The following LAMB2 variants were observed in gnomAD, a reference collection of about 807,000 sequenced individuals.
LAMB2 encodes the protein laminin subunit beta 2, also known as laminin subunit beta-2.
A neutral mutation model predicts 202.7 loss-of-function variants in LAMB2; 119 were observed. The observed-to-expected ratio is 0.59, with a 90% CI of 0.51 to 0.68. The LOEUF (loss-of-function observed/expected upper bound fraction) is 0.68, where lower values mean the gene tolerates loss of function less well. Among genes scored for constraint, LAMB2 ranks in the 30% least tolerant of loss-of-function variants. The pLI is 0.00. For synonymous variants in LAMB2, 818 were observed against 902.2 expected (o/e 0.91, Z 1.67); for missense variants, 2,124 against 2,410.6 (o/e 0.88, Z 2.49).
chr3:49,129,098 G>A lies in LAMB2; in HGVS notation c.1653C>T (p.Arg551=), dbSNP rs2107642672. 6.2e-7 allele frequency: 1 copy of A among 1,614,014 alleles called. No homozygotes were observed. The highest frequency in any genetic ancestry group is 8.5e-7 in the Non-Finnish European group (1 of 1,180,046). The change falls in exon 13 of 32, where the codon CGC becomes CGT. Residue 551 remains arginine (R), a synonymous_variant. Coordinates refer to ENST00000305544, the MANE Select transcript of LAMB2 (RefSeq NM_002292.4). The surrounding 1 kb of genome is among the most constrained non-coding windows in gnomAD (Gnocchi z 6.1). ...CHCRQHMVGR[R]CEQVQPGYFR... ...AGTAGCCAGGTTGCACCTGCTCACAGCGTCGCCCAACCATGTGCTGGCGGC... is the reference window on the plus strand; with the variant it reads ...AGTAGCCAGGTTGCACCTGCTCACAACGTCGCCCAACCATGTGCTGGCGGC...
rs1399856242 is a variant in LAMB2 at position 49,131,541 on chromosome 3, T to G, written c.642A>C (p.Glu214Asp). 3 of 1,613,866 alleles carry G rather than the reference T, an allele frequency of 1.9e-6. No homozygotes were observed. The highest frequency in any genetic ancestry group is 1.7e-5 in the Admixed American group (1 of 60,004). Residue 214 changes from glutamate (E) to aspartate (D), a missense_variant, in exon 5 of 32, where the codon GAA becomes GAC. Physicochemically the swap from Glu to Asp is conservative, Grantham distance 45. Around this residue, in one of 3 missense-constraint regions of LAMB2, gnomAD observed 256 missense variants for 356.1 expected, o/e 0.72. Coordinates refer to ENST00000305544, the MANE Select transcript of LAMB2 (RefSeq NM_002292.4). This position sits in a 1 kb window ranked among gnomAD's most constrained non-coding sequence, Gnocchi z 5.0. ...CCCAGATGCCAGCCCTCACCTCGCC[T>G]TCAGTGGATGGCTCAATCTCTGAGT... ...SRYSEIEPST[E>D]GEVIYRVLDP... is the part of the protein sequence containing the mutation.
Position 49,131,070 on chromosome 3 carries a change from C to T in LAMB2, c.795G>A (p.Glu265=), listed in dbSNP as rs375953746. ...LGDNLLDPRR[E]IREKYYYALY... ...GGGCATAGTAGTACTTCTCTCGGAT[C>T]TCCCTCCGTGGGTCGAGTAGGTTGT... Residue 265 remains glutamate, a synonymous_variant, in exon 7 of 32, where the codon GAG becomes GAA. Transcript: ENST00000305544. This position sits in a 1 kb window ranked among gnomAD's most constrained non-coding sequence, Gnocchi z 5.0. 214 of 1,613,850 alleles carry T rather than the reference C, an allele frequency of 1.3e-4. No individual in the cohort carries two copies. Among genetic ancestry groups the T allele is most frequent in the Non-Finnish European group, 1.7e-4 (203 of 1,180,032 alleles).
At position 49,130,068 on chromosome 3, in the gene LAMB2, A is replaced by G. The variant is rs1178845778; in HGVS notation, c.1226-50T>C. On this transcript the variant is annotated intron_variant, in intron 9 of 31. Transcript: ENST00000305544. The surrounding 1 kb of genome is among the most constrained non-coding windows in gnomAD (Gnocchi z 5.0). ...TCACTCACCCTATCTCAACTAGCTCACTGCCAGTCCTCTCCTAAGCCTAAG... is the reference window on the plus strand; with the variant it reads ...TCACTCACCCTATCTCAACTAGCTCGCTGCCAGTCCTCTCCTAAGCCTAAG... 1 of 1,598,484 alleles carries G rather than the reference A, an allele frequency of 6.3e-7. No individual in the cohort carries two copies. Among genetic ancestry groups the G allele is most frequent in the South Asian group, 1.1e-5 (1 of 90,720 alleles).
chr3:49,123,935 C>T lies in LAMB2; in HGVS notation c.3590G>A (p.Trp1197Ter). ...CHPCHACFGD[W>*]DRVVQDLAAR... ...TGCCAAGTCCTGCACCACTCGGTCC[C>T]AATCCCCGAAGCATGCATGGCAGGG... Residue 1197 changes from tryptophan to a stop codon, truncating the protein, a stop_gained, in exon 24 of 32, where the codon TGG (tryptophan) becomes TAG (stop). Coordinates refer to ENST00000305544, the MANE Select transcript of LAMB2 (RefSeq NM_002292.4). LOFTEE classifies it high-confidence loss of function. 6.2e-7 allele frequency: 1 copy of T among 1,613,416 alleles called. No individual in the cohort carries two copies. The highest frequency in any genetic ancestry group is 2.2e-5 in the East Asian group (1 of 44,888).
At chr3:49,121,386 A>G in intron 31 of LAMB2, 24 bp from the exon 32 acceptor site, 1 of 1,613,962 alleles carries the variant, frequency 6.2e-7, no homozygotes. Flanking sequence ...GTGTCAGTTT[A>G]GGGGGGGTTT....
Position 49,122,954 on chromosome 3 carries a change from G to C in LAMB2, c.4323C>G (p.Ser1441Arg), listed in dbSNP as rs1575531255. Residue 1441 changes from serine (S) to arginine (R), a missense_variant, in exon 27 of 32, where the codon AGC (serine) becomes AGG (arginine). By Grantham distance (110) the Ser-to-Arg change is moderately radical. This residue lies in a region of LAMB2 where 1,702 missense variants were observed against 1,896.3 expected (regional missense o/e 0.90). Transcript: ENST00000305544. The stretch of plus-strand genomic sequence containing the variant: ...CTGCTGTAGCCGCTGCCCCATTGCA[G>C]CTGAGGCCCCCACAGCGCGGCTGCC... ...EDGQPRCGGLSCNGAAATADL... is the reference protein window; with the variant it reads ...EDGQPRCGGLRCNGAAATADL... The C allele has an allele frequency of 1.2e-6, 2 of 1,608,922 alleles. No homozygotes were observed. Among genetic ancestry groups the C allele is most frequent in the Admixed American group, 1.7e-5 (1 of 60,010 alleles).
intron 15 of LAMB2, 137 bp downstream of exon 15, chr3:49,128,321 T>G: frequency 8.5e-7 from 1 of 1,183,132 alleles, no homozygotes; most frequent in Non-Finnish European, 1.2e-6. Context: ...CAACAGGGCC[T>G]GGCAACCAGC....
At chr3:49,127,466 A>G (rs1437961661) in intron 15 of LAMB2, among the ~76,000 whole-genome samples, 1 of 151,752 alleles carries the variant, frequency 6.6e-6, no homozygotes, top group African/African-American at 2.4e-5. Flanking sequence ...GAGGCCGAGA[A>G]AGGTGGATCA....
intron 15 of LAMB2, among the ~76,000 whole-genome samples, chr3:49,127,161 T>A (rs2045424397): frequency 6.6e-6 from 1 of 152,108 alleles, no homozygotes; most frequent in Admixed American, 6.6e-5. Flanking sequence ...AATTATTTTA[T>A]TTTTTGTAGA....
Position 49,129,709 on chromosome 3 carries a change from T to C in LAMB2, c.1413A>G (p.Gln471=). The change falls in exon 11 of 32, where the codon CAA becomes CAG. Residue 471 remains glutamine, a synonymous_variant. Coordinates refer to ENST00000305544, the MANE Select transcript of LAMB2 (RefSeq NM_002292.4). The surrounding 1 kb of genome is among the most constrained non-coding windows in gnomAD (Gnocchi z 6.1). Reference sequence around the variant, plus strand: ...CAGGCACTGTGCCCCGTGCATTACATTGACATCCTGCAGGGAAGGAGAACC... The same window carrying C: ...CAGGCACTGTGCCCCGTGCATTACACTGACATCCTGCAGGGAAGGAGAACC... ...ISDRLGCRRC[Q]CNARGTVPGS... is the part of the protein sequence containing the mutation. 3 of 1,613,858 alleles carry C rather than the reference T, an allele frequency of 1.9e-6. No homozygotes were observed. The highest frequency in any genetic ancestry group is 1.7e-5 in the Admixed American group (1 of 60,022).
chr3:49,131,842 T>C lies in LAMB2; in HGVS notation c.460-119A>G. 5.3e-6 allele frequency: 6 copies of C among 1,126,262 alleles called. No individual in the cohort carries two copies. The highest frequency in any genetic ancestry group is 7.8e-6 in the Non-Finnish European group (6 of 771,678). 69.8% of individuals were successfully genotyped at this position (1,126,262 alleles called of 1,614,324 possible). On this transcript the variant is annotated intron_variant, in intron 4 of 31. Coordinates refer to ENST00000305544, the MANE Select transcript of LAMB2 (RefSeq NM_002292.4). The surrounding 1 kb of genome is among the most constrained non-coding windows in gnomAD (Gnocchi z 5.0). ...ATAGCTCACAGAGAGTGGGGGTGACTGGTGGAAGCCAGATAATGACCAGCA... is the reference window on the plus strand; with the variant it reads ...ATAGCTCACAGAGAGTGGGGGTGACCGGTGGAAGCCAGATAATGACCAGCA...
At chr3:49,128,018 C>CAAAAAAAAAAAAAAAAAAAAAAA (rs1156873652) in intron 15 of LAMB2, among the ~76,000 whole-genome samples, 1 of 32,878 alleles carries the variant, frequency 3.0e-5, no homozygotes, top group Non-Finnish European at 5.9e-5. Flanking sequence ...GACTCCGTCT[C>CAAAAAAAAAAAAAAAAAAAAAAA]AAAAAAAAAA....
In LAMB2 at chr3:49,124,906, A is replaced by T; in HGVS notation, c.2904T>A (p.Cys968Ter). Reference sequence around the variant, plus strand: ...ATGGGTCCCCAAAGTGCCCAGGGGCACAAGCTTCACATCGCAGCCCTGCCC... The same window carrying T: ...ATGGGTCCCCAAAGTGCCCAGGGGCTCAAGCTTCACATCGCAGCCCTGCCC... ...AGYTGLRCEA[C>*]APGHFGDPSR... The change falls in exon 21 of 32, where the codon TGT (cysteine) becomes TGA (stop). Residue 968 changes from cysteine (C) to a stop codon, truncating the protein, a stop_gained. Coordinates refer to ENST00000305544, the MANE Select transcript of LAMB2 (RefSeq NM_002292.4). LOFTEE classifies it high-confidence loss of function. 1 of 1,614,072 alleles carries T rather than the reference A, an allele frequency of 6.2e-7. No individual in the cohort carries two copies. The highest frequency in any genetic ancestry group is 8.5e-7 in the Non-Finnish European group (1 of 1,180,028).
rs1575536837 is a variant in LAMB2 at position 49,131,244 on chromosome 3, A to C, written c.713-92T>G. 6.8e-7 allele frequency: 1 copy of C among 1,471,204 alleles called. No individual in the cohort carries two copies. Among genetic ancestry groups the C allele is most frequent in the Non-Finnish European group, 9.4e-7 (1 of 1,061,690 alleles). 91.1% of individuals were successfully genotyped at this position (1,471,204 alleles called of 1,614,324 possible). Reference sequence around the variant, plus strand: ...TCAGCTGCCAAGGTCACCTTGAAAGACCTCCTATACACTGCCACCCGAGCT... The same window carrying C: ...TCAGCTGCCAAGGTCACCTTGAAAGCCCTCCTATACACTGCCACCCGAGCT... On this transcript the variant is annotated intron_variant, in intron 6 of 31. Transcript: ENST00000305544. The surrounding 1 kb of genome is among the most constrained non-coding windows in gnomAD (Gnocchi z 5.0).
In LAMB2 at chr3:49,124,389, C is replaced by G; in HGVS notation, c.3327+6G>C. On this transcript the variant is annotated splice_donor_region_variant and intron_variant, in intron 22 of 31. Coordinates refer to ENST00000305544, the MANE Select transcript of LAMB2 (RefSeq NM_002292.4). Reference sequence around the variant, plus strand: ...CTAACCAGGGATCTGCAGGAGGGTCCCATACCTCGTTGCAGGTGGGGCCTC... The same window carrying G: ...CTAACCAGGGATCTGCAGGAGGGTCGCATACCTCGTTGCAGGTGGGGCCTC... 3.1e-6 allele frequency: 5 copies of G among 1,613,508 alleles called. No homozygotes were observed. The highest frequency in any genetic ancestry group is 4.2e-6 in the Non-Finnish European group (5 of 1,179,722).
At chr3:49,126,622 G>T in intron 15 of LAMB2, 125 bp from the exon 16 acceptor site, 1 of 1,248,704 alleles carries the variant, frequency 8.0e-7, no homozygotes, top group Non-Finnish European at 1.1e-6. Context: ...GCTGGGTTGC[G>T]TTGGGCTGCG....
chr3:49,121,716 T>C lies in LAMB2; in HGVS notation c.5068A>G (p.Ser1690Gly). The part of the protein sequence containing the change: ...AASTAEETAG[S>G]AQGRAQEAEQ... ...GCCTCCTGGGCACGACCCTGGGCAC[T>C]GCCTGCCGTTTCTTCTGCTGTAGAG... is the stretch of plus-strand genomic sequence containing the variant. The change falls in exon 30 of 32, where the codon AGT (serine) becomes GGT (glycine). Residue 1690 changes from serine (S) to glycine (G), a missense_variant. Around this residue, in one of 3 missense-constraint regions of LAMB2, gnomAD observed 1,702 missense variants for 1,896.3 expected, o/e 0.90. Coordinates refer to ENST00000305544, the MANE Select transcript of LAMB2 (RefSeq NM_002292.4). 1 of 1,614,038 alleles carries C rather than the reference T, an allele frequency of 6.2e-7. No individual in the cohort carries two copies. The highest frequency in any genetic ancestry group is 8.5e-7 in the Non-Finnish European group (1 of 1,180,032).
Position 49,125,951 on chromosome 3 carries a change from C to T in LAMB2, c.2344+16G>A, listed in dbSNP as rs566727470. 3.1e-5 allele frequency: 50 copies of T among 1,614,214 alleles called. No homozygotes were observed. Among genetic ancestry groups the T allele is most frequent in the Middle Eastern group, 1.6e-4 (1 of 6,062 alleles). On this transcript the variant is annotated intron_variant, in intron 17 of 31. Coordinates refer to ENST00000305544, the MANE Select transcript of LAMB2 (RefSeq NM_002292.4). ...TCCCCACCTCTGCCCCATCAACCCA[C>T]ATCACAGACACTCACGCAGGGCACC...
chr3:49,124,249 C>T lies in LAMB2; in HGVS notation c.3365G>A (p.Gly1122Glu). ...GQCHCRAGFG[G>E]RTCSECQELH... ...CTCTTGGCACTCAGAACAAGTCCGC[C>T]CTCCAAAGCCGGCACGGCAGTGGCA... The change falls in exon 23 of 32, where the codon GGG becomes GAG. Residue 1122 changes from glycine (G) to glutamate (E), a missense_variant. Coordinates refer to ENST00000305544, the MANE Select transcript of LAMB2 (RefSeq NM_002292.4). 6.2e-7 allele frequency: 1 copy of T among 1,613,964 alleles called. No individual in the cohort carries two copies. The highest frequency in any genetic ancestry group is 8.5e-7 in the Non-Finnish European group (1 of 1,179,948).
Sources: gnomAD v4.1 joint callset for allele counts (sites outside exome capture counted in the v4.1 genomes callset) on GRCh38, gnomAD v4.1.1 for gene constraint, gnomAD v4.1.1 regional missense constraint, Gnocchi (gnomAD v3.1) non-coding constraint, MANE v1.5 for transcripts, NCBI Gene and HGNC (gene_info 2026-07-23, HGNC 2026-07-21) for gene names.